Variants in ACSS1 observed in about 807,000 individuals in gnomAD.
The protein encoded by ACSS1 is acyl-CoA synthetase short chain family member 1, also known as acetyl-coenzyme A synthetase 2-like, mitochondrial.
In ACSS1, 42 loss-of-function variants were observed where a neutral mutation model predicts 75.3. The ratio of observed to expected loss-of-function variants is 0.56; its 90% CI spans 0.44 to 0.72. The LOEUF is 0.72. ACSS1 is among the 30% of genes least tolerant of loss of function. The pLI is 0.00. For missense variants in ACSS1, 782 were observed against 935.7 expected (o/e 0.84, Z 2.14); for synonymous variants, 380 against 376.8 (o/e 1.01, Z -0.10).
chr20:25,023,830 C>A (rs765044249), intron 3 of ACSS1, among the ~76,000 whole-genome samples, 189 bp from the exon 4 acceptor site: 1 of 152,124 alleles, frequency 6.6e-6, no homozygotes, highest in Non-Finnish European at 1.5e-5. Flanking sequence ...AAGCACCAGG[C>A]CTTTGTCCAG....
chr20:25,050,658 G>T (rs772598544), intron 1 of ACSS1, among the ~76,000 whole-genome samples: 1 of 152,016 alleles, frequency 6.6e-6, no homozygotes, highest in African/African-American at 2.4e-5. Flanking sequence ...CTCGAACCAC[G>T]CTGGACACTT....
At chr20:25,025,637 T>C (rs1407800606) in intron 3 of ACSS1, among the ~76,000 whole-genome samples, 1 of 152,164 alleles carries the variant, frequency 6.6e-6, no homozygotes, top group African/African-American at 2.4e-5. Context: ...CTCCAGGCCA[T>C]TTCAGTGGTT....
chr20:25,050,897 G>T (rs2089166368), intron 1 of ACSS1, among the ~76,000 whole-genome samples: 1 of 152,138 alleles, frequency 6.6e-6, no homozygotes, highest in South Asian at 2.1e-4. Flanking sequence ...TGGGTGGCCC[G>T]TGAGATAAGC....
At chr20:25,034,589 G>A (rs1446907387) in intron 2 of ACSS1, among the ~76,000 whole-genome samples, 2 of 151,254 alleles carry the variant, frequency 1.3e-5, no homozygotes, top group Non-Finnish European at 2.9e-5. Context: ...TTTTTTTGAG[G>A]TGGAGTTTCG....
chr20:25,020,148 C>A lies in ACSS1; in HGVS notation c.1109-1G>T. 6.2e-7 allele frequency: 1 copy of A among 1,614,150 alleles called. No individual in the cohort carries two copies. Among genetic ancestry groups the A allele is most frequent in the Non-Finnish European group, 8.5e-7 (1 of 1,179,966 alleles). On this transcript the variant is annotated splice_acceptor_variant, in intron 6 of 13. Transcript: ENST00000323482. LOFTEE classifies it high-confidence loss of function. ...CTCTCTACTGTCTCCCAGTACCGAC[C>A]TACAGAAAGGCCGAAATTCACTGTC...
chr20:25,023,109 A>G lies in ACSS1; in HGVS notation c.808-17T>C, dbSNP rs1715294719. 1 of 1,607,636 alleles carries G rather than the reference A, an allele frequency of 6.2e-7. No individual in the cohort carries two copies. The highest frequency in any genetic ancestry group is 1.7e-5 in the Admixed American group (1 of 59,564). On this transcript the variant is annotated splice_polypyrimidine_tract_variant and intron_variant, in intron 4 of 13. Transcript: ENST00000323482. ...GGCCATTTCCTGGCAGGGAGAAGAA[A>G]CAAACAGCCCACCGAGGGCACTCAG...
intron 3 of ACSS1, among the ~76,000 whole-genome samples, chr20:25,025,806 C>G (rs2088705157): frequency 1.3e-5 from 2 of 152,152 alleles, no homozygotes; most frequent in Non-Finnish European, 1.5e-5. Flanking sequence ...TGCTTTGAAT[C>G]TCTCTGACCT....
intron 1 of ACSS1, among the ~76,000 whole-genome samples, chr20:25,053,844 T>C (rs6050281): frequency 0.088 from 13,439 of 152,272 alleles, 767 homozygotes; most frequent in East Asian, 0.22. Flanking sequence ...CTGAAAAACA[T>C]CACTTAAAAT....
At chr20:25,017,127 G>A (rs1344902689) in intron 7 of ACSS1, among the ~76,000 whole-genome samples, 1 of 152,088 alleles carries the variant, frequency 6.6e-6, no homozygotes, top group Non-Finnish European at 1.5e-5. Context: ...AAGTAGCCGA[G>A]GGACTACAGG....
intron 1 of ACSS1, among the ~76,000 whole-genome samples, chr20:25,048,780 C>T (rs1332051260): frequency 6.6e-6 from 1 of 152,252 alleles, no homozygotes; most frequent in East Asian, 1.9e-4. Flanking sequence ...GAAGGCTCTG[C>T]TCCCTCCCTC....
chr20:25,006,676 T>A lies in ACSS1; in HGVS notation c.*1086A>T. 1.1e-6 allele frequency: 1 copy of A among 888,092 alleles called. No individual in the cohort carries two copies. Among genetic ancestry groups the A allele is most frequent in the Non-Finnish European group, 1.6e-6 (1 of 607,088 alleles). The allele number at this position is 888,092 out of a possible 1,614,324, so 55.0% of individuals were successfully genotyped here. A position where few individuals can be genotyped will look rare whatever the true frequency, so the allele number is the denominator to read the frequency against. On this transcript the variant is annotated 3_prime_UTR_variant, in exon 14 of 14. Transcript: ENST00000323482. ...AGCCCCTGCATGCCTAGCAGGGAGG[T>A]AAGCACCCACTGGCGTCGTGATTTC... is the stretch of plus-strand genomic sequence containing the variant.
chr20:25,031,391 A>G (rs1280435925), intron 2 of ACSS1, among the ~76,000 whole-genome samples: 1 of 152,184 alleles, frequency 6.6e-6, no homozygotes, highest in African/African-American at 2.4e-5. Context: ...GCAACAACAG[A>G]ATGTCCAGAT....
intron 1 of ACSS1, among the ~76,000 whole-genome samples, chr20:25,056,214 G>A (rs1013785562): frequency 3.3e-5 from 5 of 152,182 alleles, no homozygotes; most frequent in African/African-American, 1.2e-4. Context: ...CAGGCCAACT[G>A]TGAATGTTCC....
At chr20:25,036,775 G>A (rs2088914198) in intron 2 of ACSS1, among the ~76,000 whole-genome samples, 1 of 151,914 alleles carries the variant, frequency 6.6e-6, no homozygotes, top group Non-Finnish European at 1.5e-5. Context: ...GCCAACCATA[G>A]CAAAACCCTG....
At chr20:25,034,441 G>T (rs552426730) in intron 2 of ACSS1, among the ~76,000 whole-genome samples, 1 of 151,998 alleles carries the variant, frequency 6.6e-6, no homozygotes, top group East Asian at 1.9e-4. Context: ...AGGTTCTCTG[G>T]TCGAGCCCTC....
At chr20:25,017,782 C>T (rs2088545405) in intron 7 of ACSS1, among the ~76,000 whole-genome samples, 1 of 152,220 alleles carries the variant, frequency 6.6e-6, no homozygotes, top group Admixed American at 6.5e-5. Context: ...AGGGCGGTAC[C>T]CCTTGTCATT....
At chr20:25,056,963 G>C (rs775226871) in intron 1 of ACSS1, among the ~76,000 whole-genome samples, 8 of 152,176 alleles carry the variant, frequency 5.3e-5, no homozygotes, top group Non-Finnish European at 1.2e-4. Flanking sequence ...AGCGCCTTAG[G>C]TGGGGGCGAG....
At chr20:25,037,266 G>T (rs917547671) in intron 2 of ACSS1, among the ~76,000 whole-genome samples, 2 of 152,122 alleles carry the variant, frequency 1.3e-5, no homozygotes, top group Admixed American at 6.5e-5. Flanking sequence ...GGCGCAGCAG[G>T]TGAGCATGAA....
intron 7 of ACSS1, among the ~76,000 whole-genome samples, chr20:25,015,464 T>G (rs2122606272): frequency 6.6e-6 from 1 of 152,048 alleles, no homozygotes; most frequent in East Asian, 1.9e-4. Flanking sequence ...CCCGGCTAAT[T>G]TTTTGTATTT....
Sources: allele counts gnomAD v4.1 joint callset (sites outside exome capture counted in the v4.1 genomes callset), GRCh38; gene constraint gnomAD v4.1.1; transcripts MANE v1.5; gene names NCBI Gene and HGNC (gene_info 2026-07-23, HGNC 2026-07-21).